Variants in HSPA12A observed in about 807,000 individuals in gnomAD.
The protein encoded by HSPA12A is heat shock protein family A (Hsp70) member 12A.
HSPA12A carries 28 observed loss-of-function variants against 69.2 expected under a neutral mutation model. That is an observed-to-expected ratio of 0.40 (90% confidence interval 0.30 to 0.55). The LOEUF (loss-of-function observed/expected upper bound fraction) is 0.55, where lower values mean the gene tolerates loss of function less well. Ranked by LOEUF, HSPA12A falls within the 20% of genes least tolerant of loss-of-function variation. The pLI is 0.38. For missense variants in HSPA12A, 686 were observed against 900.7 expected, an observed-to-expected ratio of 0.76 and a Z score of 3.05; for synonymous variants, 345 against 370.5, an observed-to-expected ratio of 0.93 and a Z score of 0.79.
At chr10:116,772,931 G>A (rs1193485833) in intron 2 of HSPA12A, among the ~76,000 whole-genome samples, 1 of 151,794 alleles carries the variant, frequency 6.6e-6, no homozygotes, top group Non-Finnish European at 1.5e-5. Flanking sequence ...TGAACTCCTA[G>A]TCTCAAGCAA....
chr10:116,685,456 G>A (rs909644293), intron 6 of HSPA12A, among the ~76,000 whole-genome samples: 3 of 151,434 alleles, frequency 2.0e-5, no homozygotes, highest in Non-Finnish European at 2.9e-5. Flanking sequence ...CCAAGATGGT[G>A]AAACCCCGTC....
At chr10:116,705,343 C>G in intron 2 of HSPA12A, 65 bp from the exon 3 acceptor site, 1 of 1,581,232 alleles carries the variant, frequency 6.3e-7, no homozygotes. Context: ...GAAGACACCC[C>G]TGGGGGGTCT....
chr10:116,770,317 G>C (rs1554890266), intron 2 of HSPA12A, among the ~76,000 whole-genome samples: 1 of 152,224 alleles, frequency 6.6e-6, no homozygotes, highest in South Asian at 2.1e-4. Context: ...CAGATGAAAG[G>C]CTTCCTGCAG....
intron 2 of HSPA12A, among the ~76,000 whole-genome samples, chr10:116,792,613 C>CAAAAA (rs56344323): frequency 1.3e-4 from 14 of 107,980 alleles, no homozygotes; most frequent in African/African-American, 4.1e-4. Context: ...CTTGCATCTA[C>CAAAAA]AAAAAAAAAA....
chr10:116,825,614 T>C (rs1845488043), intron 2 of HSPA12A, among the ~76,000 whole-genome samples: 1 of 152,180 alleles, frequency 6.6e-6, no homozygotes, highest in Non-Finnish European at 1.5e-5. Flanking sequence ...GAATGCATCC[T>C]GTATGATTCC....
chr10:116,743,142 A>G (rs1851570431), upstream of HSPA12A, among the ~76,000 whole-genome samples: 1 of 152,054 alleles, frequency 6.6e-6, no homozygotes, highest in Non-Finnish European at 1.5e-5. Flanking sequence ...CGCCTGCGGG[A>G]CTCCATGGCA....
At chr10:116,704,507 G>A (rs1554882059) in intron 3 of HSPA12A, among the ~76,000 whole-genome samples, 3 of 151,878 alleles carry the variant, frequency 2.0e-5, no homozygotes, top group African/African-American at 7.3e-5. Flanking sequence ...TATACCTAAT[G>A]CTAAATGACG....
chr10:116,803,672 G>C (rs1372276535), intron 2 of HSPA12A, among the ~76,000 whole-genome samples: 3 of 152,140 alleles, frequency 2.0e-5, no homozygotes, highest in African/African-American at 7.2e-5. Flanking sequence ...AGCGTGAACT[G>C]TATTTCCAGA....
At chr10:116,691,215 G>A (rs1007786717) in intron 6 of HSPA12A, among the ~76,000 whole-genome samples, 4 of 152,160 alleles carry the variant, frequency 2.6e-5, no homozygotes, top group Non-Finnish European at 5.9e-5. Flanking sequence ...AGCAGCCTGG[G>A]GAAGGGGAGA....
At chr10:116,705,847 A>C (rs77204400) in intron 2 of HSPA12A, among the ~76,000 whole-genome samples, 1 of 149,844 alleles carries the variant, frequency 6.7e-6, no homozygotes. Flanking sequence ...CCTCATCTAG[A>C]TCACTTGGTC....
At chr10:116,726,027 G>GCGCGCACACACA (rs140160132) in intron 1 of HSPA12A, among the ~76,000 whole-genome samples, 3,635 of 146,178 alleles carry the variant, frequency 0.025, 72 homozygotes, top group Non-Finnish European at 0.031. Context: ...ACACACACAC[G>GCGCGCACACACA]CACACACACA....
intron 1 of HSPA12A, among the ~76,000 whole-genome samples, chr10:116,849,357 G>A (rs923944604): frequency 6.6e-6 from 1 of 152,196 alleles, no homozygotes; most frequent in Admixed American, 6.5e-5. Flanking sequence ...CCCAACCCCC[G>A]GACCTAATGC....
chr10:116,721,257 A>G (rs1238095064), intron 1 of HSPA12A, among the ~76,000 whole-genome samples: 2 of 152,204 alleles, frequency 1.3e-5, no homozygotes, highest in East Asian at 3.9e-4. Context: ...AGCAGTAAAG[A>G]GAGATAAATA....
chr10:116,698,124 C>G (rs1236323287), intron 5 of HSPA12A: 6 of 152,494 alleles, frequency 3.9e-5, no homozygotes, highest in African/African-American at 1.4e-4. Flanking sequence ...AGTGGATGGG[C>G]ATGTGGATTT....
At chr10:116,802,879 T>C (rs1442413262) in intron 2 of HSPA12A, among the ~76,000 whole-genome samples, 1 of 152,248 alleles carries the variant, frequency 6.6e-6, no homozygotes, top group African/African-American at 2.4e-5. Flanking sequence ...TGAAGAGCCA[T>C]GGCCTGGGTC....
chr10:116,822,336 G>A (rs1022186654), intron 2 of HSPA12A, among the ~76,000 whole-genome samples: 2 of 152,194 alleles, frequency 1.3e-5, no homozygotes, highest in African/African-American at 4.8e-5. Context: ...ATTCTCTCAT[G>A]ATAAGAGAAC....
chr10:116,831,811 G>A (rs1564834447), intron 2 of HSPA12A: 1 of 152,174 alleles, frequency 6.6e-6, no homozygotes, highest in Non-Finnish European at 1.5e-5. Flanking sequence ...ATCTCCTCCA[G>A]AATGATTTTA....
chr10:116,838,119 G>A (rs942426777), intron 1 of HSPA12A, among the ~76,000 whole-genome samples: 3 of 152,126 alleles, frequency 2.0e-5, no homozygotes, highest in Admixed American at 6.6e-5. Flanking sequence ...TACTCCACAC[G>A]ACAATTTCTA....
intron 6 of HSPA12A, among the ~76,000 whole-genome samples, chr10:116,687,499 CAAATT>C (rs1849609594): frequency 2.0e-5 from 3 of 152,182 alleles, no homozygotes; most frequent in South Asian, 2.1e-4. Context: ...GGACTCTGCA[CAAATT>C]CAACCTCCCC....
Sources: gnomAD v4.1 joint callset for allele counts (sites outside exome capture counted in the v4.1 genomes callset) on GRCh38, gnomAD v4.1.1 for gene constraint, MANE v1.5 for transcripts, NCBI Gene and HGNC (gene_info 2026-07-23, HGNC 2026-07-21) for gene names.